FBP1: variants seen among roughly 807,000 people sequenced by gnomAD.
The protein encoded by FBP1 is fructose-bisphosphatase 1.
Under a neutral mutation model 29.9 loss-of-function variants are expected in FBP1, and 22 were observed. The observed-to-expected ratio is 0.74, with a 90% CI of 0.53 to 1.05. The LOEUF is 1.05. Ranked by LOEUF, FBP1 falls within the 50% of genes least tolerant of loss-of-function variation. The pLI is 0.00. For synonymous variants in FBP1, 175 were observed against 178.6 expected, an observed-to-expected ratio of 0.98 and a Z score of 0.16; for missense variants, 345 against 448.2, an observed-to-expected ratio of 0.77 and a Z score of 2.08.
At chr9:94,636,740 G>A (rs895582846) in intron 1 of FBP1, among the ~76,000 whole-genome samples, 19 of 151,948 alleles carry the variant, frequency 1.3e-4, no homozygotes, top group African/African-American at 3.6e-4. Context: ...CCAGGCTGGA[G>A]TAGAGTGGCA....
chr9:94,637,762 C>T (rs1272284859), intron 1 of FBP1, among the ~76,000 whole-genome samples: 2 of 152,022 alleles, frequency 1.3e-5, no homozygotes, highest in African/African-American at 4.8e-5. Context: ...ATCTGAAAAC[C>T]CAGTTACACT....
intron 1 of FBP1, among the ~76,000 whole-genome samples, chr9:94,634,971 C>A (rs991013906): frequency 2.6e-5 from 4 of 151,182 alleles, no homozygotes; most frequent in African/African-American, 9.7e-5. Flanking sequence ...CGCCTGTAAT[C>A]TCAGCTACTC....
At chr9:94,619,874 CAA>C (rs56722632) in intron 2 of FBP1, among the ~76,000 whole-genome samples, 15 of 99,184 alleles carry the variant, frequency 1.5e-4, no homozygotes, top group African/African-American at 7.4e-4. Context: ...AACACTGTCT[CAA>C]AAAAAAAAAA....
At chr9:94,610,785 G>C (rs1297994623) in intron 3 of FBP1, among the ~76,000 whole-genome samples, 1 of 152,098 alleles carries the variant, frequency 6.6e-6, no homozygotes, top group African/African-American at 2.4e-5. Context: ...ATGTGGTCCA[G>C]AGTTTTTCTA....
At chr9:94,612,253 C>A (rs1399265837) in intron 3 of FBP1, among the ~76,000 whole-genome samples, 1 of 152,174 alleles carries the variant, frequency 6.6e-6, no homozygotes, top group Non-Finnish European at 1.5e-5. Flanking sequence ...ACTCAGGACT[C>A]TAACTCTCCT....
intron 1 of FBP1, among the ~76,000 whole-genome samples, chr9:94,636,511 G>A (rs1329144325): frequency 1.3e-5 from 2 of 151,714 alleles, no homozygotes; most frequent in Non-Finnish European, 2.9e-5. Flanking sequence ...CATACCTTAC[G>A]TAGCCAAAAT....
At chr9:94,624,793 A>G (rs1220816730) in intron 1 of FBP1, among the ~76,000 whole-genome samples, 1 of 152,230 alleles carries the variant, frequency 6.6e-6, no homozygotes, top group Non-Finnish European at 1.5e-5. Context: ...TTTTTCACAT[A>G]TTTCCAAATG....
In FBP1 at chr9:94,628,072, A is replaced by G. The variant is rs559231346; in HGVS notation, c.171-7581T>C. 8.5e-5 allele frequency among the ~76,000 whole-genome samples: 13 copies of G among 152,344 alleles called. 1 individual carries two copies. The highest frequency in any genetic ancestry group is 2.1e-4 in the South Asian group (1 of 4,826). ...GAGCCAGTGACTTGATCTGCCAAGGAAATGTTTTCTGAATAAAAGTTATCA... is the reference window on the plus strand; with the variant it reads ...GAGCCAGTGACTTGATCTGCCAAGGGAATGTTTTCTGAATAAAAGTTATCA... On this transcript the variant is annotated intron_variant, in intron 1 of 6. Transcript: ENST00000375326.
intron 3 of FBP1, among the ~76,000 whole-genome samples, chr9:94,615,128 G>T (rs1376833846): frequency 6.6e-6 from 1 of 151,978 alleles, no homozygotes; most frequent in Admixed American, 6.6e-5. Flanking sequence ...CAGGATGGTC[G>T]CAATCTCCTG....
chr9:94,638,354 A>G (rs1267119633), intron 1 of FBP1, among the ~76,000 whole-genome samples: 1 of 152,150 alleles, frequency 6.6e-6, no homozygotes, highest in South Asian at 2.1e-4. Flanking sequence ...AAGATCCCCA[A>G]ATGATTCCTG....
chr9:94,610,203 C>G, intron 3 of FBP1, 142 bp from the exon 4 acceptor site: 1 of 796,446 alleles, frequency 1.3e-6, no homozygotes, highest in Non-Finnish European at 2.1e-6. Flanking sequence ...CCCTACACAT[C>G]AGCAATATCC....
At chr9:94,611,574 G>A (rs1022504275) in intron 3 of FBP1, among the ~76,000 whole-genome samples, 1 of 152,076 alleles carries the variant, frequency 6.6e-6, no homozygotes, top group African/African-American at 2.4e-5. Context: ...GCAACACTGG[G>A]AGACCCCATC....
At chr9:94,619,873 T>C (rs1393118386) in intron 2 of FBP1, among the ~76,000 whole-genome samples, 1 of 28,764 alleles carries the variant, frequency 3.5e-5, no homozygotes, top group African/African-American at 4.3e-4. Flanking sequence ...AAACACTGTC[T>C]CAAAAAAAAA....
At chr9:94,629,387 G>A (rs770918132) in intron 1 of FBP1, among the ~76,000 whole-genome samples, 4 of 152,182 alleles carry the variant, frequency 2.6e-5, no homozygotes, top group African/African-American at 7.2e-5. Context: ...ATATGGGGGC[G>A]CTTCTGGAAA....
rs769000568 is a variant in FBP1 at position 94,639,272 on chromosome 9, G to A, written c.39C>T (p.Thr13=). 4 of 1,606,874 alleles carry A rather than the reference G, an allele frequency of 2.5e-6. No individual in the cohort carries two copies. The highest frequency in any genetic ancestry group is 2.5e-6 in the Non-Finnish European group (3 of 1,176,922). Residue 13 remains threonine (T), a synonymous_variant, in exon 1 of 7, where the codon ACC becomes ACT. Coordinates refer to ENST00000375326, the MANE Select transcript of FBP1 (RefSeq NM_000507.4). ...CCTCCTCCATGACGAAGCGGGTCAG[G>A]GTGTTGACGTCCGTGTCGAAGGGCG... The part of the protein sequence containing the change: ...DQAPFDTDVN[T]LTRFVMEEGR...
At chr9:94,618,351 G>A (rs889127021) in intron 2 of FBP1, among the ~76,000 whole-genome samples, 5 of 151,088 alleles carry the variant, frequency 3.3e-5, no homozygotes, top group Admixed American at 2.0e-4. Context: ...GGCTGGGCAC[G>A]GTGGCTCATG....
At chr9:94,607,179 C>T (rs1459848453) in intron 4 of FBP1, among the ~76,000 whole-genome samples, 2 of 152,160 alleles carry the variant, frequency 1.3e-5, no homozygotes, top group African/African-American at 2.4e-5. Context: ...CAGACACTTT[C>T]GACTTTGTTT....
At chr9:94,609,137 C>T (rs1827743731) in intron 4 of FBP1, among the ~76,000 whole-genome samples, 2 of 150,432 alleles carry the variant, frequency 1.3e-5, no homozygotes, top group African/African-American at 4.9e-5. Flanking sequence ...TGCAGTGAGC[C>T]GAGATCACGC....
At chr9:94,625,773 C>T (rs777371798) in intron 1 of FBP1, among the ~76,000 whole-genome samples, 3 of 152,100 alleles carry the variant, frequency 2.0e-5, no homozygotes, top group African/African-American at 7.2e-5. Flanking sequence ...CCAGCCTGGG[C>T]GACAGAGCGA....
Sources: gnomAD v4.1 joint callset for allele counts (sites outside exome capture counted in the v4.1 genomes callset) on GRCh38, gnomAD v4.1.1 for gene constraint, MANE v1.5 for transcripts, NCBI Gene and HGNC (gene_info 2026-07-23, HGNC 2026-07-21) for gene names.